The following MGAT1 variants were observed in gnomAD, a reference collection of about 807,000 sequenced individuals.
The protein encoded by MGAT1 is N-glycosyl-oligosaccharide-glycoprotein N-acetylglucosaminyltransferase I.
A neutral mutation model predicts 31.7 loss-of-function variants in MGAT1; 14 were observed. The observed-to-expected ratio is 0.44, with a 90% CI of 0.29 to 0.69. The LOEUF is 0.69. Ranked by LOEUF, MGAT1 falls within the 30% of genes least tolerant of loss-of-function variation. MGAT1 has a pLI of 0.12. For missense variants in MGAT1, 557 were observed against 626.0 expected, an observed-to-expected ratio of 0.89 and a Z score of 1.18; for synonymous variants, 338 against 276.0, an observed-to-expected ratio of 1.22 and a Z score of -2.23.
chr5:180,791,622 G>T lies in MGAT1; in HGVS notation c.*12C>A, dbSNP rs757780333. 6.2e-7 allele frequency: 1 copy of T among 1,611,320 alleles called. No individual in the cohort carries two copies. Among genetic ancestry groups the T allele is most frequent in the Non-Finnish European group, 8.5e-7 (1 of 1,178,750 alleles). ...ATGTGGCAAGGAGGGGCCCAGGAAG[G>T]ACAGGCAGGTGCTAATTCCAGCTAG... On this transcript the variant is annotated 3_prime_UTR_variant, in exon 2 of 2. Transcript: ENST00000307826.
intron 1 of MGAT1, chr5:180,810,388 A>C (rs1024969582): frequency 4.6e-5 from 7 of 152,588 alleles, no homozygotes; most frequent in African/African-American, 1.7e-4. Flanking sequence ...TGTGGGCAGA[A>C]CCAGGTTGTG....
Position 180,792,422 on chromosome 5 carries a change from T to G in MGAT1, c.550A>C (p.Lys184Gln). ...PDHRKFQGYY[K>Q]IARHYRWALG... is the part of the protein sequence containing the mutation. Reference sequence around the variant, plus strand: ...GCCCAGCGGTAGTGGCGCGCGATCTTGTAGTAGCCCTGGAACTTGCGGTGG... The same window carrying G: ...GCCCAGCGGTAGTGGCGCGCGATCTGGTAGTAGCCCTGGAACTTGCGGTGG... The change falls in exon 2 of 2, where the codon AAG becomes CAG. Residue 184 changes from lysine to glutamine, a missense_variant. Coordinates refer to ENST00000307826, the MANE Select transcript of MGAT1 (RefSeq NM_002406.4). The G allele has an allele frequency of 1.9e-6, 3 of 1,611,510 alleles. No individual in the cohort carries two copies. Among genetic ancestry groups the G allele is most frequent in the Non-Finnish European group, 2.5e-6 (3 of 1,178,658 alleles).
chr5:180,813,793 C>CT (rs1479129635), intron 1 of MGAT1, among the ~76,000 whole-genome samples: 5 of 152,210 alleles, frequency 3.3e-5, no homozygotes, highest in Non-Finnish European at 5.9e-5. Flanking sequence ...ATGGCCTCTG[C>CT]TGTCTTCTGC....
intron 1 of MGAT1, among the ~76,000 whole-genome samples, chr5:180,811,570 G>A (rs1772570429): frequency 6.6e-6 from 1 of 151,264 alleles, no homozygotes; most frequent in African/African-American, 2.4e-5. Flanking sequence ...AAATCCTGTT[G>A]ACCCTACCTT....
At chr5:180,799,659 C>T (rs887803429) in intron 1 of MGAT1, among the ~76,000 whole-genome samples, 3 of 152,176 alleles carry the variant, frequency 2.0e-5, no homozygotes, top group South Asian at 4.1e-4. Context: ...AGATGGCCAA[C>T]GCAGCAGCAA....
rs1768204167 is a variant in MGAT1, at chr5:180,791,964, C to T, written c.1008G>A (p.Gln336=). The change falls in exon 2 of 2, where the codon CAG becomes CAA. Residue 336 remains glutamine, a synonymous_variant. Coordinates refer to ENST00000307826, the MANE Select transcript of MGAT1 (RefSeq NM_002406.4). ...CCAGCTGGGTGAAGTGCACAAACTG[C>T]TGGTTCAGCTTGATAAACTTGAGGT... ...DQHLKFIKLN[Q]QFVHFTQLDL... is the part of the protein sequence containing the mutation. 6.2e-7 allele frequency: 1 copy of T among 1,614,208 alleles called. No individual in the cohort carries two copies. Among genetic ancestry groups the T allele is most frequent in the Non-Finnish European group, 8.5e-7 (1 of 1,180,050 alleles).
At chr5:180,809,883 A>G (rs1356546438) in intron 1 of MGAT1, 1 of 149,116 alleles carries the variant, frequency 6.7e-6, no homozygotes, top group Non-Finnish European at 1.5e-5. Context: ...CATGACCTCC[A>G]CCCCCTCCAA....
intron 1 of MGAT1, chr5:180,809,304 T>C (rs960366559): frequency 5.9e-5 from 9 of 152,162 alleles, no homozygotes; most frequent in Non-Finnish European, 1.2e-4. Flanking sequence ...ACACATATAA[T>C]ATAAACATAT....
At chr5:180,793,214 G>A in intron 1 of MGAT1, 117 bp from the exon 2 acceptor site, 2 of 577,276 alleles carry the variant, frequency 3.5e-6, no homozygotes, top group South Asian at 2.1e-5. Flanking sequence ...AAGGCCAGGA[G>A]GTTGACTCCA....
intron 1 of MGAT1, among the ~76,000 whole-genome samples, chr5:180,796,800 C>T (rs1459323670): frequency 7.2e-5 from 11 of 151,932 alleles, no homozygotes; most frequent in Admixed American, 2.0e-4. Flanking sequence ...TTAATAGAGA[C>T]GGGCTTTCAC....
chr5:180,792,555 A>G lies in MGAT1; in HGVS notation c.417T>C (p.Val139=). 6.2e-7 allele frequency: 1 copy of G among 1,612,812 alleles called. No homozygotes were observed. Residue 139 remains valine (V), a synonymous_variant, in exon 2 of 2, where the codon GTT becomes GTC. Transcript: ENST00000307826. ...RPSAELFPII[V]SQDCGHEETA... ...TCTCCTCGTGCCCGCAGTCCTGGCT[A>G]ACGATGATGGGGAAGAGCTCAGCCG...
At chr5:180,793,206 G>A (rs1768620281) in intron 1 of MGAT1, 109 bp from the exon 2 acceptor site, 4 of 585,514 alleles carry the variant, frequency 6.8e-6, no homozygotes, top group Non-Finnish European at 1.2e-5. Context: ...GGTGGAGGAA[G>A]GCCAGGAGGT....
chr5:180,791,510 G>T lies in MGAT1; in HGVS notation c.*124C>A. The T allele has an allele frequency of 8.1e-7, 1 of 1,242,170 alleles. No homozygotes were observed. The highest frequency in any genetic ancestry group is 1.1e-6 in the Non-Finnish European group (1 of 887,934). The allele number at this position is 1,242,170 out of a possible 1,614,324, so 76.9% of individuals were successfully genotyped here. ...TCATTTGTGCACTTAAATGCCACTC[G>T]GAAAAATCAAAAAGATAAATGCACC... is the stretch of plus-strand genomic sequence containing the variant. On this transcript the variant is annotated 3_prime_UTR_variant, in exon 2 of 2. Transcript: ENST00000307826.
intron 1 of MGAT1, among the ~76,000 whole-genome samples, chr5:180,800,832 C>T (rs1193401848): frequency 2.0e-5 from 3 of 152,212 alleles, no homozygotes; most frequent in African/African-American, 2.4e-5. Flanking sequence ...CTACACCTTC[C>T]TTTTTAAATA....
intron 1 of MGAT1, among the ~76,000 whole-genome samples, chr5:180,793,608 GA>G (rs1008314442): frequency 6.6e-6 from 1 of 150,820 alleles, no homozygotes; most frequent in Non-Finnish European, 1.5e-5. Context: ...AATGAACCAA[GA>G]AAAAAAAATT....
intron 1 of MGAT1, among the ~76,000 whole-genome samples, chr5:180,799,584 C>T (rs1056854044): frequency 3.9e-5 from 6 of 152,176 alleles, no homozygotes; most frequent in Non-Finnish European, 8.8e-5. Context: ...CAGTGCTTGG[C>T]ACATGTATGA....
upstream of MGAT1, among the ~76,000 whole-genome samples, chr5:180,804,237 G>A (rs138068762): frequency 6.4e-3 from 982 of 152,350 alleles, 10 homozygotes; most frequent in African/African-American, 0.023. Flanking sequence ...GAGGCTCAGG[G>A]TAAGTGCAAA....
In MGAT1 at chr5:180,796,530, G is replaced by A. The variant is rs535585468; in HGVS notation, c.-126-3433C>T. 3.3e-5 allele frequency among the ~76,000 whole-genome samples: 5 copies of A among 152,318 alleles called. No individual in the cohort carries two copies. In the East Asian group the frequency reaches 9.6e-4, roughly 29 times the overall value. ...ATACAGATGGATGAAGCTACTCAGAGCTGTGGGCCATATCCCCATATTTGA... is the reference window on the plus strand; with the variant it reads ...ATACAGATGGATGAAGCTACTCAGAACTGTGGGCCATATCCCCATATTTGA... On this transcript the variant is annotated intron_variant, in intron 1 of 1. Coordinates refer to ENST00000307826, the MANE Select transcript of MGAT1 (RefSeq NM_002406.4).
At chr5:180,793,556 C>G (rs1278153940) in intron 1 of MGAT1, among the ~76,000 whole-genome samples, 1 of 152,094 alleles carries the variant, frequency 6.6e-6, no homozygotes, top group Non-Finnish European at 1.5e-5. Context: ...CCCATCATCT[C>G]CAGGGTTATT....
Sources: gnomAD v4.1 joint callset for allele counts (sites outside exome capture counted in the v4.1 genomes callset) on GRCh38, gnomAD v4.1.1 for gene constraint, MANE v1.5 for transcripts, NCBI Gene and HGNC (gene_info 2026-07-23, HGNC 2026-07-21) for gene names.